The following KLHL25 variants were observed in gnomAD, a reference collection of about 807,000 sequenced individuals.
KLHL25 encodes kelch-like protein 25.
KLHL25 carries 41 observed loss-of-function variants against 30.0 expected under a neutral mutation model. The observed-to-expected ratio is 1.37, with a 90% CI of 1.07 to 1.78. KLHL25 has a LOEUF of 1.78. Ranked by LOEUF, KLHL25 falls within the 40% of genes most tolerant of loss-of-function variation. KLHL25 has a pLI of 0.00. For synonymous variants in KLHL25, 399 were observed against 355.3 expected (o/e 1.12, Z -1.38); for missense variants, 971 against 824.5 (o/e 1.18, Z -2.18).
intron 2 of KLHL25, among the ~76,000 whole-genome samples, chr15:85,767,471 G>A (rs1291304521): frequency 6.6e-6 from 1 of 152,230 alleles, no homozygotes; most frequent in African/African-American, 2.4e-5. Context: ...ACTCCATGGG[G>A]AGGGGGCCAT....
rs898016326 is a variant in KLHL25, at chr15:85,760,433, C to G, written c.*603G>C. On this transcript the variant is annotated 3_prime_UTR_variant, in exon 3 of 3. Coordinates refer to ENST00000337975, the MANE Select transcript of KLHL25 (RefSeq NM_022480.4). Reference sequence around the variant, plus strand: ...AGCTTTGTGGAAGGGGCCCACAAACCTTGGAGGTCTGGGTGTCCTTTGCTA... The same window carrying G: ...AGCTTTGTGGAAGGGGCCCACAAACGTTGGAGGTCTGGGTGTCCTTTGCTA... The G allele has an allele frequency of 6.6e-6, 1 of 152,214 alleles. No homozygotes were observed. Among genetic ancestry groups the G allele is most frequent in the African/African-American group, 2.4e-5 (1 of 41,440 alleles). 9.4% of individuals were successfully genotyped at this position (152,214 alleles called of 1,614,324 possible).
At position 85,769,414 on chromosome 15, in the gene KLHL25, G is replaced by A. The variant is rs77624363; in HGVS notation, c.397C>T (p.Arg133Trp). 28 of 1,614,136 alleles carry A rather than the reference G, an allele frequency of 1.7e-5. No homozygotes were observed. Among genetic ancestry groups the A allele is most frequent in the South Asian group, 7.7e-5 (7 of 91,084 alleles). ...TCCAGGAACTCGGCGGCAGCATCCCGCACATCGTGGAACTGCAGCATGTCG... is the reference window on the plus strand; with the variant it reads ...TCCAGGAACTCGGCGGCAGCATCCCACACATCGTGGAACTGCAGCATGTCG... ...AGDMLQFHDVRDAAAEFLEKN... is the reference protein window; with the variant it reads ...AGDMLQFHDVWDAAAEFLEKN... The change falls in exon 2 of 3, where the codon CGG becomes TGG. Residue 133 changes from arginine (R) to tryptophan (W), a missense_variant. By Grantham distance (101) the Arg-to-Trp change is moderately radical. Transcript: ENST00000337975.
rs371420778 is a variant in KLHL25, at chr15:85,768,263, G to T, written c.1548C>A (p.Asn516Lys). 6.2e-6 allele frequency: 10 copies of T among 1,614,046 alleles called. No individual in the cohort carries two copies. Among genetic ancestry groups the T allele is most frequent in the Non-Finnish European group, 6.8e-6 (8 of 1,180,048 alleles). The change falls in exon 2 of 3, where the codon AAC (asparagine) becomes AAA (lysine). Residue 516 changes from asparagine to lysine, a missense_variant. Physicochemically the swap from Asn to Lys is moderately conservative, Grantham distance 94. Coordinates refer to ENST00000337975, the MANE Select transcript of KLHL25 (RefSeq NM_022480.4). Reference protein sequence around the residue: ...ASAYRFDCETNQWTRIGDMTA... With the variant: ...ASAYRFDCETKQWTRIGDMTA... ...TCATGTCCCCAATCCGCGTCCACTG[G>T]TTGGTCTCACAGTCAAAGCGGTAGG...
At chr15:85,761,618 A>G (rs2089583665) in intron 2 of KLHL25, 1 of 144,040 alleles carries the variant, frequency 6.9e-6, no homozygotes, top group Non-Finnish European at 1.5e-5. Context: ...GCAGCCTATC[A>G]TGGGACTTCT....
intron 1 of KLHL25, among the ~76,000 whole-genome samples, chr15:85,781,340 T>C (rs947371100): frequency 1.3e-5 from 2 of 152,248 alleles, no homozygotes; most frequent in Admixed American, 6.5e-5. Flanking sequence ...CACTGAGTTA[T>C]GCACTCTGGA....
Position 85,760,202 on chromosome 15 carries a change from C to T in KLHL25, c.*834G>A, listed in dbSNP as rs2089571962. On this transcript the variant is annotated 3_prime_UTR_variant, in exon 3 of 3. Coordinates refer to ENST00000337975, the MANE Select transcript of KLHL25 (RefSeq NM_022480.4). ...CAGCGTGGTCTCCTGGGGAGAAGCCCCCAGTGCTGTTGGCAGGTGTGTGCC... is the reference window on the plus strand; with the variant it reads ...CAGCGTGGTCTCCTGGGGAGAAGCCTCCAGTGCTGTTGGCAGGTGTGTGCC... The T allele has an allele frequency of 6.6e-6, 1 of 152,250 alleles. No homozygotes were observed. The highest frequency in any genetic ancestry group is 2.4e-5 in the African/African-American group (1 of 41,430). The allele number at this position is 152,250 out of a possible 1,614,324, so 9.4% of individuals were successfully genotyped here. A position where few individuals can be genotyped will look rare whatever the true frequency, so the allele number is the denominator to read the frequency against.
intron 2 of KLHL25, among the ~76,000 whole-genome samples, chr15:85,764,833 T>C (rs757563443): frequency 3.9e-4 from 60 of 152,368 alleles, no homozygotes; most frequent in Non-Finnish European, 6.8e-4. Context: ...TCTAGTGCTA[T>C]GAGTAATACA....
At chr15:85,774,000 T>C (rs1453942828) in intron 1 of KLHL25, among the ~76,000 whole-genome samples, 2 of 152,146 alleles carry the variant, frequency 1.3e-5, no homozygotes, top group African/African-American at 4.8e-5. Flanking sequence ...TGTGTGATTA[T>C]TTTCAGTTGC....
chr15:85,780,511 A>C (rs2151811254), intron 1 of KLHL25, among the ~76,000 whole-genome samples: 1 of 152,234 alleles, frequency 6.6e-6, no homozygotes, highest in East Asian at 1.9e-4. Flanking sequence ...AGCCATTAAA[A>C]GCACTCTGGC....
chr15:85,776,128 A>C (rs1426572164), intron 1 of KLHL25, among the ~76,000 whole-genome samples: 1 of 150,560 alleles, frequency 6.6e-6, no homozygotes, highest in African/African-American at 2.4e-5. Context: ...GGCCGAGATC[A>C]CGCCACTGCA....
intron 1 of KLHL25, among the ~76,000 whole-genome samples, chr15:85,775,022 G>A (rs576852870): frequency 3.2e-4 from 49 of 151,782 alleles, no homozygotes; most frequent in African/African-American, 8.2e-4. Context: ...GATTACAGGC[G>A]CCCGCCACCA....
intron 1 of KLHL25, among the ~76,000 whole-genome samples, chr15:85,774,290 A>G (rs1440689357): frequency 1.3e-5 from 2 of 152,146 alleles, no homozygotes; most frequent in Non-Finnish European, 2.9e-5. Context: ...GTAACTGCAC[A>G]ATGTTGCAAT....
intron 1 of KLHL25, among the ~76,000 whole-genome samples, chr15:85,773,230 T>A (rs1227778987): frequency 6.6e-6 from 1 of 152,168 alleles, no homozygotes; most frequent in Non-Finnish European, 1.5e-5. Flanking sequence ...GTCACTTGAC[T>A]TGATGGCATG....
intron 1 of KLHL25, among the ~76,000 whole-genome samples, chr15:85,778,394 A>G (rs947707120): frequency 2.0e-5 from 3 of 152,254 alleles, no homozygotes; most frequent in African/African-American, 4.8e-5. Flanking sequence ...AGAAGCTTGC[A>G]GGTTAATGAT....
chr15:85,767,591 A>G (rs1020505485), intron 2 of KLHL25, among the ~76,000 whole-genome samples: 27 of 152,310 alleles, frequency 1.8e-4, no homozygotes, highest in African/African-American at 4.8e-5. Context: ...AGCGACTTCT[A>G]TAAGTCTTTC....
intron 2 of KLHL25, chr15:85,763,646 T>G (rs1361666136): frequency 1.3e-5 from 2 of 152,282 alleles, no homozygotes; most frequent in African/African-American, 4.8e-5. Context: ...CCTGGTGGCT[T>G]CTGAAGCTAA....
intron 2 of KLHL25, 63 bp downstream of exon 2, chr15:85,767,954 T>G (rs2089635306): frequency 1.9e-6 from 2 of 1,067,684 alleles, no homozygotes; most frequent in African/African-American, 1.6e-5. Context: ...TGGGAAGAGG[T>G]GGGACTGCAT....
At chr15:85,762,670 G>C (rs1225599344) in intron 2 of KLHL25, 1 of 152,408 alleles carries the variant, frequency 6.6e-6, no homozygotes, top group African/African-American at 2.4e-5. Context: ...CCCCATCAAG[G>C]GTGGGATGCT....
At chr15:85,780,547 C>A (rs796094096) in intron 1 of KLHL25, among the ~76,000 whole-genome samples, 3 of 152,322 alleles carry the variant, frequency 2.0e-5, no homozygotes, top group African/African-American at 7.2e-5. Context: ...AATGAACCAC[C>A]AGGAGTGACA....
Sources: allele counts gnomAD v4.1 joint callset (sites outside exome capture counted in the v4.1 genomes callset), GRCh38; gene constraint gnomAD v4.1.1; transcripts MANE v1.5; gene names NCBI Gene and HGNC (gene_info 2026-07-23, HGNC 2026-07-21).